DLC1: variants seen among roughly 807,000 people sequenced by gnomAD.
DLC1 encodes rho GTPase-activating protein 7.
In DLC1, 54 loss-of-function variants were observed where a neutral mutation model predicts 140.3. That is an observed-to-expected ratio of 0.38 (90% CI 0.31 to 0.48). DLC1 has a LOEUF of 0.48. Among genes scored for constraint, DLC1 ranks in the 20% least tolerant of loss-of-function variants. The probability of loss-of-function intolerance (pLI) is 0.96; values close to 1 mark genes in which losing one functional copy is unlikely to be tolerated. For missense variants in DLC1, 2,536 were observed against 1,907.0 expected (o/e 1.33, Z -6.14); for synonymous variants, 986 against 728.1 (o/e 1.35, Z -5.70).
intron 5 of DLC1, among the ~76,000 whole-genome samples, chr8:13,138,139 A>G (rs927826715): frequency 1.3e-5 from 2 of 152,176 alleles, no homozygotes; most frequent in Admixed American, 1.3e-4. Context: ...AATATGTTAA[A>G]AAACACTAAA....
rs1344776169 is a variant in DLC1, at chr8:13,314,325, A to T, written c.1315-9023T>A. Among the ~76,000 whole-genome samples, 52 of 148,548 alleles carry T rather than the reference A, an allele frequency of 3.5e-4. No individual in the cohort carries two copies. In the Admixed American group the frequency reaches 3.5e-3, roughly 10 times the overall value. On this transcript the variant is annotated intron_variant, in intron 4 of 17. Coordinates refer to ENST00000276297, the MANE Select transcript of DLC1 (RefSeq NM_182643.3). ...TATATATATAATATACATATATATT[A>T]TAAATATATGTGTAATATACATGTA...
intron 1 of DLC1, among the ~76,000 whole-genome samples, chr8:13,583,396 C>T (rs1805183799): frequency 6.6e-6 from 1 of 152,166 alleles, no homozygotes; most frequent in South Asian, 2.1e-4. Context: ...AGAAGCAACT[C>T]TCTGTTGGTT....
rs140934173 is a variant in DLC1, at chr8:13,527,728, C to G, written c.-125-27532G>C. On this transcript the variant is annotated intron_variant, in intron 1 of 1. Coordinates refer to the DLC1 transcript ENST00000631382. ...TGTAATGTTTTTATAGATGAGGTAT[C>G]TGGTCAAGGTCCAGAGAAATAAAAT... Among the ~76,000 whole-genome samples, 397 of 152,130 alleles carry G rather than the reference C, an allele frequency of 2.6e-3. 3 individuals are homozygous for G. The highest frequency in any genetic ancestry group is 8.9e-3 in the African/African-American group (370 of 41,510).
chr8:13,506,152 T>A (rs1213859039), intron 1 of DLC1, among the ~76,000 whole-genome samples: 3 of 151,920 alleles, frequency 2.0e-5, no homozygotes, highest in Non-Finnish European at 2.9e-5. Flanking sequence ...ATGTGATATA[T>A]ATATGTGTGT....
At chr8:13,257,882 T>C (rs1830309964) in intron 5 of DLC1, among the ~76,000 whole-genome samples, 1 of 152,238 alleles carries the variant, frequency 6.6e-6, no homozygotes. Context: ...GCAAGCTTTG[T>C]ATGCATTTTA....
chr8:13,217,314 A>G (rs959710442), intron 5 of DLC1, among the ~76,000 whole-genome samples: 1 of 152,178 alleles, frequency 6.6e-6, no homozygotes. Flanking sequence ...TAATGTATAA[A>G]ATATCATTTT....
chr8:13,498,051 C>A (rs1002423416), intron 2 of DLC1, among the ~76,000 whole-genome samples: 2 of 152,032 alleles, frequency 1.3e-5, no homozygotes, highest in African/African-American at 4.8e-5. Flanking sequence ...TTGAACAGAA[C>A]AAAGAACATT....
intron 4 of DLC1, among the ~76,000 whole-genome samples, chr8:13,330,043 C>T (rs1186297569): frequency 6.6e-6 from 1 of 152,176 alleles, no homozygotes; most frequent in East Asian, 1.9e-4. Flanking sequence ...TAGCTCACTG[C>T]AGCCTCTAAC....
rs1818049455 is a variant in DLC1 at position 13,091,302 on chromosome 8, C to A, written c.3855+16G>T. The A allele has an allele frequency of 1.2e-6, 2 of 1,613,198 alleles. No individual in the cohort carries two copies. Among genetic ancestry groups the A allele is most frequent in the Non-Finnish European group, 1.7e-6 (2 of 1,179,548 alleles). On this transcript the variant is annotated intron_variant, in intron 14 of 17. Coordinates refer to ENST00000276297, the MANE Select transcript of DLC1 (RefSeq NM_182643.3). Reference sequence around the variant, plus strand: ...CATTATCCTTAATAAAGGAGCCAAACTTCTCAATTCCTTACCTGGAAAAGC... The same window carrying A: ...CATTATCCTTAATAAAGGAGCCAAAATTCTCAATTCCTTACCTGGAAAAGC...
chr8:13,118,208 A>G (rs1820742652), intron 5 of DLC1, among the ~76,000 whole-genome samples: 1 of 152,034 alleles, frequency 6.6e-6, no homozygotes, highest in Non-Finnish European at 1.5e-5. Flanking sequence ...TGTCTAACAA[A>G]TAAAATGACT....
intron 2 of DLC1, among the ~76,000 whole-genome samples, chr8:13,437,057 C>A (rs1839152491): frequency 6.6e-6 from 1 of 152,306 alleles, no homozygotes; most frequent in South Asian, 2.1e-4. Context: ...CAAATAGTTT[C>A]TAAAATCTGA....
intron 2 of DLC1, among the ~76,000 whole-genome samples, chr8:13,468,549 A>AT: frequency 6.6e-6 from 1 of 151,248 alleles, no homozygotes; most frequent in South Asian, 2.1e-4. Context: ...AATTTAACAA[A>AT]TTTTTTGCAG....
chr8:13,139,326 G>C (rs1163020532), intron 5 of DLC1, among the ~76,000 whole-genome samples: 1 of 92,428 alleles, frequency 1.1e-5, no homozygotes, highest in Admixed American at 1.1e-4. Context: ...AAAAGGAAAA[G>C]AAAAAAAATG....
chr8:13,596,625 G>C (rs1294860221), intron 1 of DLC1, among the ~76,000 whole-genome samples: 3 of 152,000 alleles, frequency 2.0e-5, no homozygotes, highest in African/African-American at 7.2e-5. Flanking sequence ...AGGCAGAAAG[G>C]AGAATGGATA....
chr8:13,321,828 A>T (rs1833138058), intron 4 of DLC1, among the ~76,000 whole-genome samples: 1 of 152,204 alleles, frequency 6.6e-6, no homozygotes, highest in African/African-American at 2.4e-5. Flanking sequence ...CACCAAATTG[A>T]CATAGGCCAG....
intron 1 of DLC1, among the ~76,000 whole-genome samples, chr8:13,559,577 T>A (rs574636717): frequency 1.4e-3 from 209 of 152,316 alleles, no homozygotes; most frequent in African/African-American, 5.0e-3. Flanking sequence ...ATTATAATAA[T>A]ATTCATTTTA....
intron 2 of DLC1, among the ~76,000 whole-genome samples, chr8:13,447,840 T>C (rs2116953123): frequency 6.6e-6 from 1 of 152,316 alleles, no homozygotes; most frequent in South Asian, 2.1e-4. Context: ...TCCTGAGTTT[T>C]TGAGACTGTT....
chr8:13,455,578 C>T (rs1295985708), intron 2 of DLC1, among the ~76,000 whole-genome samples: 5 of 152,310 alleles, frequency 3.3e-5, no homozygotes, highest in Middle Eastern at 6.8e-3. Flanking sequence ...GGCTCTCTCC[C>T]TTATCTCTTT....
At chr8:13,543,376 T>A (rs12546425) in intron 1 of DLC1, among the ~76,000 whole-genome samples, 18,256 of 152,184 alleles carry the variant, frequency 0.12, 1,285 homozygotes, top group Non-Finnish European at 0.14. Flanking sequence ...TGCAGTCATC[T>A]GGTAAAGAAT....
Sources: gnomAD v4.1 joint callset for allele counts (sites outside exome capture counted in the v4.1 genomes callset) on GRCh38, gnomAD v4.1.1 for gene constraint, MANE v1.5 for transcripts, NCBI Gene and HGNC (gene_info 2026-07-23, HGNC 2026-07-21) for gene names.